The following FXYD3 variants were observed in gnomAD, a reference collection of about 807,000 sequenced individuals.
FXYD3 encodes FXYD domain containing ion transport regulator 3.
In FXYD3, 13 loss-of-function variants were observed where a neutral mutation model predicts 19.2. The observed-to-expected ratio is 0.68, with a 90% CI of 0.44 to 1.08. The LOEUF (loss-of-function observed/expected upper bound fraction) is 1.08, where lower values mean the gene tolerates loss of function less well. Ranked by LOEUF, FXYD3 falls within the 50% of genes least tolerant of loss-of-function variation. The probability of loss-of-function intolerance (pLI) is 0.00; values close to 1 mark genes in which losing one functional copy is unlikely to be tolerated. For missense variants in FXYD3, 101 were observed against 109.4 expected, an observed-to-expected ratio of 0.92 and a Z score of 0.34; for synonymous variants, 48 against 38.9, an observed-to-expected ratio of 1.23 and a Z score of -0.87.
chr19:35,123,180 G>A (rs1414336929), intron 7 of FXYD3, 91 bp from the exon 8 acceptor site: 4 of 1,513,242 alleles, frequency 2.6e-6, no homozygotes, highest in East Asian at 4.6e-5. Flanking sequence ...AGGCAGCCAG[G>A]AAGACATGTC....
In FXYD3 at chr19:35,117,022, G is replaced by C. The variant is rs2064905252; in HGVS notation, c.-15+663G>C. ...ATAGAGGGGATAGCAGAGGGCAGGT[G>C]GGGGAAACAGTCCTCAGGCCGGCCT... On this transcript the variant is annotated intron_variant, in intron 2 of 8. Transcript: ENST00000604404. 6.1e-6 allele frequency: 6 copies of C among 985,220 alleles called. No homozygotes were observed. The Admixed American group carries it at 3.7e-4, about 61-fold the overall frequency. 61.0% of individuals were successfully genotyped at this position (985,220 alleles called of 1,614,324 possible).
chr19:35,120,694 C>T (rs957233835), intron 3 of FXYD3, among the ~76,000 whole-genome samples: 1 of 152,130 alleles, frequency 6.6e-6, no homozygotes, highest in Non-Finnish European at 1.5e-5. Context: ...GGAGGATGGG[C>T]TTTGAGCATG....
intron 3 of FXYD3, chr19:35,119,627 A>T (rs2145326319): frequency 3.6e-6 from 2 of 556,620 alleles, no homozygotes; most frequent in East Asian, 3.0e-5. Context: ...CGTCTTCCCC[A>T]TTCTCTCGAT....
At chr19:35,116,164 C>T (rs760216422) in intron 1 of FXYD3, 100 bp from the exon 2 acceptor site, 3 of 965,862 alleles carry the variant, frequency 3.1e-6, no homozygotes, top group Non-Finnish European at 3.7e-6. Flanking sequence ...CAGGGAGCAA[C>T]CTGCCGCCCA....
At chr19:35,119,509 G>T in intron 3 of FXYD3, 93 bp downstream of exon 3, 1 of 1,174,688 alleles carries the variant, frequency 8.5e-7, no homozygotes, top group South Asian at 1.3e-5. Flanking sequence ...CTACCTCCCC[G>T]GGAAGGTGGT....
At chr19:35,123,419 C>T (rs149680357) in intron 8 of FXYD3, 22 bp from the exon 9 acceptor site, 65 of 1,613,982 alleles carry the variant, frequency 4.0e-5, no homozygotes, top group East Asian at 1.3e-4. Flanking sequence ...CCCTCACAAA[C>T]GGACCCCATC....
Position 35,120,991 on chromosome 19 carries a change from A to G in FXYD3, c.41-87A>G, listed in dbSNP as rs1362177498. The G allele has an allele frequency of 9.0e-6, 13 of 1,444,760 alleles. No individual in the cohort carries two copies. The Admixed American group carries it at 2.4e-4, about 26-fold the overall frequency. 89.5% of individuals were successfully genotyped at this position (1,444,760 alleles called of 1,614,324 possible). On this transcript the variant is annotated intron_variant, in intron 3 of 8. Transcript: ENST00000604404. ...CTGTCCCGCAGGAGACCCTTTCCCAAGGCCCCTGAAACTCCCCAGGCCCTG... is the reference window on the plus strand; with the variant it reads ...CTGTCCCGCAGGAGACCCTTTCCCAGGGCCCCTGAAACTCCCCAGGCCCTG...
In FXYD3 at chr19:35,122,509, C is replaced by T. The variant is rs962842747; in HGVS notation, c.98-256C>T. On this transcript the variant is annotated intron_variant, in intron 5 of 8. Coordinates refer to ENST00000604404, the MANE Select transcript of FXYD3 (RefSeq NM_005971.4). ...ATAGGTGTCAGCCACTATGCCCAGC[C>T]CGCCCTCTGACTTTCCATCTCCCAC... Among the ~76,000 whole-genome samples the T allele has an allele frequency of 5.9e-5, 9 of 152,182 alleles. No homozygotes were observed. The East Asian group carries it at 1.7e-3, about 29-fold the overall frequency.
At position 35,115,964 on chromosome 19, in the gene FXYD3, G is replaced by C. The variant is rs955055208; in HGVS notation, c.-111+5G>C. ...CATCTAAGGAAAAGAAGTGAGGTCG[G>C]AACACCAACGCATCATCTCACTGCA... On this transcript the variant is annotated splice_donor_5th_base_variant and intron_variant, in intron 1 of 8. Transcript: ENST00000604404. 2.0e-5 allele frequency: 3 copies of C among 152,310 alleles called. No homozygotes were observed. The highest frequency in any genetic ancestry group is 6.5e-5 in the Admixed American group (1 of 15,272). The allele number at this position is 152,310 out of a possible 1,614,324, so 9.4% of individuals were successfully genotyped here.
Position 35,119,461 on chromosome 19 carries a change from A to G in FXYD3, c.40+45A>G, listed in dbSNP as rs746026649. ...CTGCCTTTTCCTCTGGATCCCCTGGATGCGGGGATCCAACCTCTGTCTCTC... is the reference window on the plus strand; with the variant it reads ...CTGCCTTTTCCTCTGGATCCCCTGGGTGCGGGGATCCAACCTCTGTCTCTC... On this transcript the variant is annotated intron_variant, in intron 3 of 8. Coordinates refer to ENST00000604404, the MANE Select transcript of FXYD3 (RefSeq NM_005971.4). 39 of 1,540,192 alleles carry G rather than the reference A, an allele frequency of 2.5e-5. No homozygotes were observed. The Middle Eastern group carries it at 1.1e-3, about 45-fold the overall frequency.
intron 5 of FXYD3, among the ~76,000 whole-genome samples, chr19:35,122,199 G>A (rs1381355367): frequency 6.6e-6 from 1 of 151,356 alleles, no homozygotes; most frequent in African/African-American, 2.4e-5. Context: ...GAGTGTGACT[G>A]GCTGGAGTGC....
At chr19:35,121,626 C>T (rs2065045819) in intron 5 of FXYD3, 1 of 977,374 alleles carries the variant, frequency 1.0e-6, no homozygotes, top group Admixed American at 3.8e-5. Flanking sequence ...GCTCTGCCCT[C>T]ACCTCTCCAC....
At chr19:35,116,907 G>T in intron 2 of FXYD3, 1 of 985,252 alleles carries the variant, frequency 1.0e-6, no homozygotes, top group Non-Finnish European at 1.2e-6. Flanking sequence ...TTTAAATGGG[G>T]AGTTGCTTGG....
intron 3 of FXYD3, chr19:35,119,664 T>TG (rs2064993476): frequency 7.8e-5 from 3 of 38,438 alleles, no homozygotes. Context: ...GCTTTTTTTG[T>TG]TTTTGTTTTT....
intron 2 of FXYD3, chr19:35,119,150 T>C (rs756321989): frequency 1.3e-6 from 2 of 1,539,988 alleles, no homozygotes; most frequent in Non-Finnish European, 1.8e-6. Context: ...TGAGTTATTA[T>C]GGCTCCTCCC....
rs1328914108 is a variant in FXYD3, at chr19:35,119,649, T to TTTG, written c.40+235_40+236insGTT. 3.0e-3 allele frequency: 1,422 copies of TTTG among 469,354 alleles called. 5 individuals are homozygous for TTTG. Among genetic ancestry groups the TTTG allele is most frequent in the South Asian group, 8.1e-3 (303 of 37,186 alleles). The allele number at this position is 469,354 out of a possible 1,614,324, so 29.1% of individuals were successfully genotyped here. ...CCCATTCTCTCGATCTCTTCTTTTTTTTTGGCTTTTTTTGTTTTTGTTTTT... is the reference window on the plus strand; with the variant it reads ...CCCATTCTCTCGATCTCTTCTTTTTTTTGTTTGGCTTTTTTTGTTTTTGTTTTT... On this transcript the variant is annotated intron_variant, in intron 3 of 8. Coordinates refer to ENST00000604404, the MANE Select transcript of FXYD3 (RefSeq NM_005971.4).
At chr19:35,123,364 G>A (rs967863016) in intron 8 of FXYD3, 56 bp downstream of exon 8, 4 of 1,608,232 alleles carry the variant, frequency 2.5e-6, no homozygotes, top group Non-Finnish European at 3.4e-6. Context: ...GTGTGTGTGT[G>A]TGTATGTGTG....
chr19:35,123,119 C>G lies in FXYD3; in HGVS notation c.210-152C>G, dbSNP rs1010224445. 2.3e-5 allele frequency: 33 copies of G among 1,465,778 alleles called. No individual in the cohort carries two copies. In the African/African-American group the frequency reaches 4.3e-4, roughly 19 times the overall value. The allele number at this position is 1,465,778 out of a possible 1,614,324, so 90.8% of individuals were successfully genotyped here. On this transcript the variant is annotated intron_variant, in intron 7 of 8. Coordinates refer to ENST00000604404, the MANE Select transcript of FXYD3 (RefSeq NM_005971.4). ...CTAGCTGGTAATCCCCAGGGGGCCC[C>G]AAATCCTGAAATGCTTTGGCCCCTG...
At chr19:35,118,534 T>G (rs2064956173) in intron 2 of FXYD3, 1 of 990,572 alleles carries the variant, frequency 1.0e-6, no homozygotes, top group Non-Finnish European at 1.2e-6. Context: ...GAGTTCCTTA[T>G]GCTGAGCAGG....
Sources: gnomAD v4.1 joint callset for allele counts (sites outside exome capture counted in the v4.1 genomes callset) on GRCh38, gnomAD v4.1.1 for gene constraint, MANE v1.5 for transcripts, NCBI Gene and HGNC (gene_info 2026-07-23, HGNC 2026-07-21) for gene names.